Variants in SLAIN2 observed in about 807,000 individuals in gnomAD.
SLAIN2 encodes the protein SLAIN family member 2.
In SLAIN2, 31 loss-of-function variants were observed where a neutral mutation model predicts 56.6. The observed-to-expected ratio is 0.55, with a 90% CI of 0.41 to 0.74. The LOEUF is 0.74. SLAIN2 is among the 30% of genes least tolerant of loss of function. The pLI, the probability that SLAIN2 is intolerant of heterozygous loss-of-function variation, is 0.00. For missense variants in SLAIN2, 777 were observed against 754.2 expected (o/e 1.03, Z -0.35); for synonymous variants, 317 against 284.9 (o/e 1.11, Z -1.13).
At chr4:48,394,667 C>T (rs559355704) in intron 6 of SLAIN2, 1 of 1,533,508 alleles carries the variant, frequency 6.5e-7, no homozygotes, top group Admixed American at 2.0e-5. Flanking sequence ...ACTACAGCCT[C>T]TTACTCAGTT....
intron 1 of SLAIN2, among the ~76,000 whole-genome samples, chr4:48,368,595 AC>A (rs143133359): frequency 0.03 from 4,525 of 152,338 alleles, 73 homozygotes; most frequent in Admixed American, 0.046. Context: ...AATATTTACC[AC>A]AATTTTTAAA....
intron 1 of SLAIN2, among the ~76,000 whole-genome samples, chr4:48,361,532 A>G (rs1262558399): frequency 1.3e-5 from 2 of 152,250 alleles, no homozygotes; most frequent in Non-Finnish European, 2.9e-5. Flanking sequence ...GAATACTAAT[A>G]AAGTCAGATT....
chr4:48,364,678 G>A (rs1234865969), intron 1 of SLAIN2, among the ~76,000 whole-genome samples: 5 of 122,514 alleles, frequency 4.1e-5, no homozygotes, highest in East Asian at 2.2e-4. Context: ...GCTGGAGATC[G>A]GCCCGGCCAA....
intron 3 of SLAIN2, among the ~76,000 whole-genome samples, chr4:48,378,997 A>G (rs1324413098): frequency 6.6e-6 from 1 of 152,200 alleles, no homozygotes; most frequent in Admixed American, 6.5e-5. Context: ...ATAAATCTGT[A>G]ATAGAAATAT....
At chr4:48,388,605 G>A (rs1406748586) in intron 6 of SLAIN2, among the ~76,000 whole-genome samples, 1 of 152,142 alleles carries the variant, frequency 6.6e-6, no homozygotes, top group East Asian at 1.9e-4. Flanking sequence ...ATTGTACAAG[G>A]CCATATAACT....
At chr4:48,385,503 T>C (rs1054865447) in intron 6 of SLAIN2, among the ~76,000 whole-genome samples, 1 of 152,246 alleles carries the variant, frequency 6.6e-6, no homozygotes, top group Non-Finnish European at 1.5e-5. Flanking sequence ...GTAGCTGTGT[T>C]ATATTCTTTC....
intron 6 of SLAIN2, among the ~76,000 whole-genome samples, chr4:48,387,794 A>G (rs1482540199): frequency 6.6e-6 from 1 of 152,090 alleles, no homozygotes; most frequent in Non-Finnish European, 1.5e-5. Flanking sequence ...TATATTTGAT[A>G]CATGAAAATA....
chr4:48,400,108 T>C (rs148623387), intron 6 of SLAIN2, among the ~76,000 whole-genome samples: 1 of 152,318 alleles, frequency 6.6e-6, no homozygotes, highest in East Asian at 1.9e-4. Flanking sequence ...TCTGGTAGAA[T>C]TCAGCTGTGA....
chr4:48,355,407 A>G (rs2109739106), intron 1 of SLAIN2, among the ~76,000 whole-genome samples: 1 of 152,352 alleles, frequency 6.6e-6, no homozygotes, highest in Non-Finnish European at 1.5e-5. Context: ...ACGCAGAATC[A>G]CAAACTCTAA....
chr4:48,376,979 G>T (rs1467601313), intron 2 of SLAIN2, among the ~76,000 whole-genome samples: 3 of 144,088 alleles, frequency 2.1e-5, no homozygotes, highest in African/African-American at 7.9e-5. Context: ...AATAATAGTC[G>T]GTATTGCTTT....
chr4:48,412,409 C>T (rs532193867), intron 6 of SLAIN2, among the ~76,000 whole-genome samples: 1 of 56,108 alleles, frequency 1.8e-5, no homozygotes. Context: ...CACACACACA[C>T]ACACACATTC....
At chr4:48,399,072 TA>T (rs1206369430) in intron 6 of SLAIN2, among the ~76,000 whole-genome samples, 1 of 152,206 alleles carries the variant, frequency 6.6e-6, no homozygotes, top group African/African-American at 2.4e-5. Context: ...ATTGAATCCA[TA>T]AATTACTTTA....
intron 1 of SLAIN2, among the ~76,000 whole-genome samples, chr4:48,345,934 A>G (rs1343374975): frequency 6.6e-6 from 1 of 152,212 alleles, no homozygotes; most frequent in Non-Finnish European, 1.5e-5. Context: ...GTTGTTCAAT[A>G]ATTGCTAGTT....
intron 1 of SLAIN2, among the ~76,000 whole-genome samples, chr4:48,361,183 A>G (rs537331833): frequency 6.6e-6 from 1 of 152,340 alleles, no homozygotes; most frequent in African/African-American, 2.4e-5. Flanking sequence ...TTCCTGAAGA[A>G]TTGAAATTTA....
Position 48,425,086 on chromosome 4 carries a change from A to T in SLAIN2, c.*3009A>T, listed in dbSNP as rs1467200230. ...TCCTTTTTTCCTCTCAGTTGCCTAC[A>T]CTTGGTTTTAATAAATTACTCAGTT... On this transcript the variant is annotated 3_prime_UTR_variant, in exon 8 of 8. Transcript: ENST00000264313. 6.6e-6 allele frequency: 1 copy of T among 152,140 alleles called. No individual in the cohort carries two copies. Among genetic ancestry groups the T allele is most frequent in the African/African-American group, 2.4e-5 (1 of 41,448 alleles). The allele number at this position is 152,140 out of a possible 1,614,324, so 9.4% of individuals were successfully genotyped here.
intron 1 of SLAIN2, among the ~76,000 whole-genome samples, chr4:48,363,917 C>G (rs1422649547): frequency 2.6e-5 from 3 of 114,818 alleles, no homozygotes; most frequent in Non-Finnish European, 2.0e-5. Flanking sequence ...GCTGGCCAGG[C>G]GGGGGGCTGA....
chr4:48,405,072 T>A (rs1425448892), intron 6 of SLAIN2, among the ~76,000 whole-genome samples: 1 of 152,220 alleles, frequency 6.6e-6, no homozygotes, highest in Non-Finnish European at 1.5e-5. Flanking sequence ...ATTAATAAAT[T>A]TATAATGATT....
chr4:48,369,602 A>G (rs1406053731), intron 1 of SLAIN2, among the ~76,000 whole-genome samples: 1 of 152,168 alleles, frequency 6.6e-6, no homozygotes, highest in African/African-American at 2.4e-5. Context: ...GTATTTTCTC[A>G]TAGTCTTAGT....
chr4:48,345,090 C>G (rs999304204), intron 1 of SLAIN2, among the ~76,000 whole-genome samples: 13 of 152,200 alleles, frequency 8.5e-5, no homozygotes, highest in Non-Finnish European at 1.8e-4. Flanking sequence ...AAACTAATCT[C>G]TCTCCAAGCA....
Sources: gnomAD v4.1 joint callset for allele counts (sites outside exome capture counted in the v4.1 genomes callset) on GRCh38, gnomAD v4.1.1 for gene constraint, MANE v1.5 for transcripts, NCBI Gene and HGNC (gene_info 2026-07-23, HGNC 2026-07-21) for gene names.